The following RBFOX1 variants were observed in gnomAD, a reference collection of about 807,000 sequenced individuals.
RBFOX1 encodes the protein RNA binding fox-1 homolog 1, also known as RNA binding protein fox-1 homolog 1.
RBFOX1 carries 8 observed loss-of-function variants against 57.7 expected under a neutral mutation model. The observed-to-expected ratio is 0.14, with a 90% CI of 0.08 to 0.25. The LOEUF (loss-of-function observed/expected upper bound fraction) is 0.25. RBFOX1 is among the 10% of genes least tolerant of loss of function. The probability of loss-of-function intolerance (pLI) is 1.00; values close to 1 mark genes in which losing one functional copy is unlikely to be tolerated. For missense variants in RBFOX1, 611 were observed against 548.5 expected, an observed-to-expected ratio of 1.11 and a Z score of -1.14; for synonymous variants, 326 against 222.4, an observed-to-expected ratio of 1.47 and a Z score of -4.15.
At chr16:7,400,502 A>G (rs1005321899) in intron 4 of RBFOX1, among the ~76,000 whole-genome samples, 1 of 152,188 alleles carries the variant, frequency 6.6e-6, no homozygotes, top group African/African-American at 2.4e-5. Context: ...ACCTTGGCCC[A>G]CAGCTTTCTC....
rs75954788 is a variant in RBFOX1, at chr16:6,446,533, G to T, written c.-64+129476G>T. ...ATTTACTCAATATATATGTATCAAT[G>T]CCTTCTGTATTCAAGTGATGAATGT... On this transcript the variant is annotated intron_variant, in intron 2 of 15. Coordinates refer to ENST00000550418, the MANE Select transcript of RBFOX1 (RefSeq NM_018723.4). Among the ~76,000 whole-genome samples, 563 of 152,238 alleles carry T rather than the reference G, an allele frequency of 3.7e-3. 5 individuals are homozygous for T. The highest frequency in any genetic ancestry group is 0.013 in the African/African-American group (531 of 41,558).
At chr16:7,420,154 C>G (rs2098526453) in intron 4 of RBFOX1, among the ~76,000 whole-genome samples, 1 of 152,062 alleles carries the variant, frequency 6.6e-6, no homozygotes, top group Non-Finnish European at 1.5e-5. Flanking sequence ...TGGATATATG[C>G]TCTCTCTCCA....
intron 4 of RBFOX1, among the ~76,000 whole-genome samples, chr16:5,949,823 T>C (rs1377935615): frequency 1.3e-5 from 2 of 152,150 alleles, no homozygotes; most frequent in East Asian, 3.9e-4. Context: ...ACTCTGGAAG[T>C]GGGGCCCAGA....
chr16:6,054,724 G>T (rs939019242), intron 1 of RBFOX1, among the ~76,000 whole-genome samples: 6 of 152,082 alleles, frequency 3.9e-5, no homozygotes, highest in Non-Finnish European at 7.4e-5. Flanking sequence ...TCACAGATTT[G>T]CACACATCTT....
chr16:5,650,747 C>T (rs1477665231), intron 3 of RBFOX1, among the ~76,000 whole-genome samples: 1 of 152,152 alleles, frequency 6.6e-6, no homozygotes, highest in Non-Finnish European at 1.5e-5. Flanking sequence ...CTCCTTCTCC[C>T]TGTCTTCTCC....
rs922970753 is a variant in RBFOX1, at chr16:7,014,676, T to C, written c.-15-37381T>C. 1.2e-4 allele frequency among the ~76,000 whole-genome samples: 18 copies of C among 152,266 alleles called. 1 individual carries two copies. Among genetic ancestry groups the C allele is most frequent in the Middle Eastern group, 6.8e-3 (2 of 294 alleles). Reference sequence around the variant, plus strand: ...TCTCAGTCTTTCAAGGTAATGGGAATGGAATCTTGAGTGAGAGAGAGTGGA... The same window carrying C: ...TCTCAGTCTTTCAAGGTAATGGGAACGGAATCTTGAGTGAGAGAGAGTGGA... On this transcript the variant is annotated intron_variant, in intron 3 of 15. Transcript: ENST00000550418.
chr16:5,802,262 C>G (rs532699981), intron 3 of RBFOX1, among the ~76,000 whole-genome samples: 4 of 152,130 alleles, frequency 2.6e-5, no homozygotes, highest in Non-Finnish European at 4.4e-5. Context: ...TTTGGAAAGT[C>G]CTTTTCTTCC....
chr16:6,809,313 T>G (rs1462913560), intron 3 of RBFOX1, among the ~76,000 whole-genome samples: 4 of 152,212 alleles, frequency 2.6e-5, no homozygotes, highest in African/African-American at 9.6e-5. Flanking sequence ...AAGTTTTTCT[T>G]TAACCAGAGG....
At chr16:7,366,364 G>A (rs940572574) in intron 4 of RBFOX1, among the ~76,000 whole-genome samples, 2 of 152,154 alleles carry the variant, frequency 1.3e-5, no homozygotes, top group Non-Finnish European at 1.5e-5. Flanking sequence ...GAGAGGAAAC[G>A]AAGGCTGTGC....
chr16:6,702,938 C>T (rs35872948), intron 3 of RBFOX1, among the ~76,000 whole-genome samples: 1 of 152,096 alleles, frequency 6.6e-6, no homozygotes. Context: ...CATGTCCTCC[C>T]AGCCTCTGGC....
intron 1 of RBFOX1, among the ~76,000 whole-genome samples, chr16:5,397,997 TTAAA>T (rs1429388492): frequency 6.6e-6 from 1 of 152,190 alleles, no homozygotes; most frequent in Non-Finnish European, 1.5e-5. Flanking sequence ...GAGACAGATG[TTAAA>T]TAAACATTTG....
chr16:6,063,464 G>A (rs1034083901), intron 1 of RBFOX1, among the ~76,000 whole-genome samples: 1 of 86,430 alleles, frequency 1.2e-5, no homozygotes, highest in Non-Finnish European at 2.1e-5. Flanking sequence ...CTCTTTCTCC[G>A]ACACACACAC....
chr16:7,196,230 C>T (rs946523485), intron 4 of RBFOX1, among the ~76,000 whole-genome samples: 1 of 152,086 alleles, frequency 6.6e-6, no homozygotes, highest in African/African-American at 2.4e-5. Context: ...TCCGTTAACT[C>T]AGTTTATTTA....
intron 2 of RBFOX1, among the ~76,000 whole-genome samples, chr16:6,408,106 A>G (rs1337639687): frequency 6.6e-6 from 1 of 152,138 alleles, no homozygotes; most frequent in Non-Finnish European, 1.5e-5. Context: ...CTGGACGTCA[A>G]ATCTGTCGAC....
Position 6,316,936 on chromosome 16 carries a change from G to A in RBFOX1, c.-126-59G>A, listed in dbSNP as rs143367221. The stretch of plus-strand genomic sequence containing the variant: ...CATATTACTATGACAAAAAAAGTGC[G>A]GACAAAATTCAAGAATACATTTCTT... On this transcript the variant is annotated intron_variant, in intron 1 of 15. Coordinates refer to ENST00000550418, the MANE Select transcript of RBFOX1 (RefSeq NM_018723.4). 659 of 1,453,870 alleles carry A rather than the reference G, an allele frequency of 4.5e-4. 2 individuals are homozygous for A. Among genetic ancestry groups the A allele is most frequent in the Middle Eastern group, 1.4e-3 (8 of 5,812 alleles). The allele number at this position is 1,453,870 out of a possible 1,614,324, so 90.1% of individuals were successfully genotyped here.
intron 4 of RBFOX1, among the ~76,000 whole-genome samples, chr16:7,266,940 A>C (rs1218888340): frequency 2.0e-5 from 3 of 152,054 alleles, no homozygotes; most frequent in African/African-American, 7.2e-5. Context: ...AAGACTGAGC[A>C]ATAGGGAGAG....
intron 2 of RBFOX1, among the ~76,000 whole-genome samples, chr16:5,583,056 CAA>C (rs1410767474): frequency 6.6e-6 from 1 of 152,170 alleles, no homozygotes; most frequent in Non-Finnish European, 1.5e-5. Flanking sequence ...GTAACATGCC[CAA>C]GTTCACACAG....
At chr16:6,712,530 A>G (rs1472454929) in intron 3 of RBFOX1, among the ~76,000 whole-genome samples, 3 of 152,106 alleles carry the variant, frequency 2.0e-5, no homozygotes, top group Non-Finnish European at 4.4e-5. Context: ...CTTTCCAGTG[A>G]CACAGGGCAT....
chr16:6,573,169 C>T (rs756132649), intron 2 of RBFOX1, among the ~76,000 whole-genome samples: 4 of 152,114 alleles, frequency 2.6e-5, no homozygotes, highest in Non-Finnish European at 5.9e-5. Flanking sequence ...AGAGACTTTA[C>T]CATCATTTCT....
Sources: allele counts gnomAD v4.1 joint callset (sites outside exome capture counted in the v4.1 genomes callset), GRCh38; gene constraint gnomAD v4.1.1; transcripts MANE v1.5; gene names NCBI Gene and HGNC (gene_info 2026-07-23, HGNC 2026-07-21).